The following CFAP46 variants were observed in gnomAD, a reference collection of about 807,000 sequenced individuals.
CFAP46 encodes cilia and flagella associated protein 46.
A neutral mutation model predicts 325.7 loss-of-function variants in CFAP46; 245 were observed. That is an observed-to-expected ratio of 0.75 (90% CI 0.68 to 0.84). The LOEUF (loss-of-function observed/expected upper bound fraction) is 0.84, where lower values mean the gene tolerates loss of function less well. CFAP46 is among the 40% of genes least tolerant of loss of function. The pLI is 0.00. For missense variants in CFAP46, 3,346 were observed against 3,543.0 expected (o/e 0.94, Z 1.41); for synonymous variants, 1,523 against 1,495.9 (o/e 1.02, Z -0.42).
rs778070622 is a variant in CFAP46, at chr10:132,889,408, T to C, written c.3304+2925A>G. On this transcript the variant is annotated intron_variant, in intron 25 of 57. Coordinates refer to ENST00000368586, the MANE Select transcript of CFAP46 (RefSeq NM_001200049.3). The surrounding 1 kb of genome is among the most constrained non-coding windows in gnomAD (Gnocchi z 6.0). ...TGGATGCTGGGATCTGTGGGCTCAC[T>C]GTGGCCTTCACACTCTGCCAGGCCC... 7.9e-5 allele frequency among the ~76,000 whole-genome samples: 12 copies of C among 152,196 alleles called. No individual in the cohort carries two copies. The highest frequency in any genetic ancestry group is 2.1e-4 in the South Asian group (1 of 4,828).
chr10:132,902,275 C>T (rs186508059), intron 22 of CFAP46, among the ~76,000 whole-genome samples: 2 of 151,768 alleles, frequency 1.3e-5, no homozygotes, highest in East Asian at 1.9e-4. Flanking sequence ...AGGTCACAGA[C>T]GGAAAGCTCT....
chr10:132,814,544 G>T lies in CFAP46; in HGVS notation c.7285+33C>A, dbSNP rs373395397. On this transcript the variant is annotated intron_variant, in intron 53 of 57. Transcript: ENST00000368586. ...ACGGCAGGAGGCCCGAGGCTGGCGT[G>T]TGCCTGAACAGGGAGCCCTGTGCAG... 79 of 1,551,622 alleles carry T rather than the reference G, an allele frequency of 5.1e-5. No individual in the cohort carries two copies. The African/African-American group carries it at 9.9e-4, about 20-fold the overall frequency.
In CFAP46 at chr10:132,808,904, T is replaced by C. The variant is rs2767434; in HGVS notation, c.7665A>G (p.Arg2555=). ...EDEWRRGGEP[R]RGFSDLEGQA... ...GTCCTTCAAGGTCTGAGAAGCCTCG[T>C]CTGTGGAGAAAGGGGCGGGAGCTAT... Residue 2555 remains arginine (R), a splice_region_variant and synonymous_variant, in exon 58 of 58, where the codon AGA becomes AGG. Transcript: ENST00000368586. The surrounding 1 kb of genome is among the most constrained non-coding windows in gnomAD (Gnocchi z 6.8). 1,055,405 of 1,575,538 alleles carry C rather than the reference T, an allele frequency of 0.67. 358,675 individuals are homozygous for C. Among genetic ancestry groups the C allele is most frequent in the African/African-American group, 0.93 (69,374 of 74,328 alleles).
rs566761592 is a variant in CFAP46, at chr10:132,890,024, A to C, written c.3304+2309T>G. On this transcript the variant is annotated intron_variant, in intron 25 of 57. Coordinates refer to ENST00000368586, the MANE Select transcript of CFAP46 (RefSeq NM_001200049.3). ...TTCCACAAAATCTCTGCTATGCTCA[A>C]TTCTACTTTCTGATTTTTTTCTAGA... is the stretch of plus-strand genomic sequence containing the variant. 5.3e-5 allele frequency among the ~76,000 whole-genome samples: 8 copies of C among 152,320 alleles called. No homozygotes were observed. The South Asian group carries it at 8.3e-4, about 16-fold the overall frequency.
At chr10:132,868,812 G>C (rs1848854507) in intron 33 of CFAP46, among the ~76,000 whole-genome samples, 1 of 152,250 alleles carries the variant, frequency 6.6e-6, no homozygotes, top group South Asian at 2.1e-4. Context: ...AAGTATTTCT[G>C]AGATGGTCTC....
At chr10:132,846,006 C>T in intron 44 of CFAP46, 51 bp downstream of exon 44, 2 of 1,560,072 alleles carry the variant, frequency 1.3e-6, no homozygotes, top group Non-Finnish European at 1.7e-6. Context: ...AGTGTCTGTC[C>T]ACAGAGCTCC....
At chr10:132,845,090 T>A (rs1036010975) in intron 44 of CFAP46, among the ~76,000 whole-genome samples, 1 of 152,188 alleles carries the variant, frequency 6.6e-6, no homozygotes, top group African/African-American at 2.4e-5. Context: ...TAGCCCATTT[T>A]AATTCCCGCT....
chr10:132,815,216 C>T (rs1591029281), intron 50 of CFAP46, among the ~76,000 whole-genome samples: 1 of 152,224 alleles, frequency 6.6e-6, no homozygotes, highest in South Asian at 2.1e-4. Flanking sequence ...TGCCCGGGCC[C>T]CTCACTGGTT....
At chr10:132,867,047 C>T (rs1488649924) in intron 34 of CFAP46, among the ~76,000 whole-genome samples, 1 of 152,168 alleles carries the variant, frequency 6.6e-6, no homozygotes, top group East Asian at 1.9e-4. Flanking sequence ...AATTCCAGGG[C>T]CCACGGGAGG....
intron 11 of CFAP46, among the ~76,000 whole-genome samples, chr10:132,924,303 C>T (rs1849773734): frequency 2.0e-5 from 3 of 152,144 alleles, no homozygotes; most frequent in African/African-American, 7.2e-5. Context: ...GCATTCCTGT[C>T]ACCCCTGAGG....
chr10:132,825,130 CTG>C lies in CFAP46; in HGVS notation c.7117+8226_7117+8227del, dbSNP rs745470497. 4.1e-5 allele frequency among the ~76,000 whole-genome samples: 5 copies of C among 121,480 alleles called. 1 individual carries two copies. The highest frequency in any genetic ancestry group is 1.7e-4 in the African/African-American group (5 of 28,620). The allele number at this position is 121,480 out of a possible 152,430, so 79.7% of individuals were successfully genotyped here. ...TGTGTGCTGATGTGTGCACTGTGTG[CTG>C]TGTGTGTGGTGATGTGTGCTGTGTG... On this transcript the variant is annotated intron_variant, in intron 50 of 57. Transcript: ENST00000368586.
intron 32 of CFAP46, among the ~76,000 whole-genome samples, chr10:132,871,958 G>A (rs1237051776): frequency 6.6e-6 from 1 of 152,142 alleles, no homozygotes; most frequent in African/African-American, 2.4e-5. Flanking sequence ...TTTTATTGTT[G>A]TCTTATTTTA....
At chr10:132,913,306 G>C (rs763107827) in intron 17 of CFAP46, 48 bp from the exon 18 acceptor site, 4 of 1,504,176 alleles carry the variant, frequency 2.7e-6, no homozygotes, top group Middle Eastern at 1.7e-4. Context: ...CCCCAGCCCC[G>C]GGGCCAGGCA....
rs149553715 is a variant in CFAP46 at position 132,836,560 on chromosome 10, C to T, written c.6536+257G>A. Reference sequence around the variant, plus strand: ...CCACCATAACAGTGACCTTCGGGTCCGGACGCCCAGACCAGACACAAAGAC... The same window carrying T: ...CCACCATAACAGTGACCTTCGGGTCTGGACGCCCAGACCAGACACAAAGAC... On this transcript the variant is annotated intron_variant, in intron 45 of 57. Coordinates refer to ENST00000368586, the MANE Select transcript of CFAP46 (RefSeq NM_001200049.3). 6.0e-3 allele frequency among the ~76,000 whole-genome samples: 914 copies of T among 152,326 alleles called. 2 individuals carry two copies. The highest frequency in any genetic ancestry group is 9.7e-3 in the Non-Finnish European group (657 of 68,024).
chr10:132,929,785 A>G lies in CFAP46; in HGVS notation c.886T>C (p.Leu296=), dbSNP rs1849864724. 6.2e-7 allele frequency: 1 copy of G among 1,609,288 alleles called. No homozygotes were observed. Among genetic ancestry groups the G allele is most frequent in the Non-Finnish European group, 8.5e-7 (1 of 1,176,456 alleles). ...TTCAAGGTCAAGGAAAAACGCGCCA[A>G]TTCAAAAAGCAAAAGCATTCTGCAA... ...SEEKMLLLFE[L]ARFSLTLKCM... is the part of the protein sequence containing the mutation. The change falls in exon 9 of 58, where the codon TTG becomes CTG. Residue 296 remains leucine, a synonymous_variant. Transcript: ENST00000368586.
At chr10:132,912,589 CT>C (rs765251812) in intron 19 of CFAP46, 65 bp downstream of exon 19, 278 of 1,429,690 alleles carry the variant, frequency 1.9e-4, no homozygotes, top group Admixed American at 9.7e-4. Flanking sequence ...CCTCTCCTCT[CT>C]CTCTCTCCTC....
intron 35 of CFAP46, among the ~76,000 whole-genome samples, chr10:132,862,899 GGCTGAGAAGCCAGGGTGA>G (rs1848744277): frequency 6.6e-6 from 1 of 152,232 alleles, no homozygotes; most frequent in Admixed American, 6.5e-5. Flanking sequence ...GTGTGGATGT[GGCTGAGAAGCCAGGGTGA>G]GCTGAGGGCA....
At chr10:132,872,955 G>T (rs1007897112) in intron 31 of CFAP46, 131 bp from the exon 32 acceptor site, 3 of 1,003,928 alleles carry the variant, frequency 3.0e-6, no homozygotes, top group Non-Finnish European at 4.4e-6. Flanking sequence ...TGCTCAGCGC[G>T]TGTCCGCACA....
chr10:132,861,461 C>A (rs573368611), intron 35 of CFAP46, among the ~76,000 whole-genome samples: 20 of 152,338 alleles, frequency 1.3e-4, no homozygotes, highest in Non-Finnish European at 2.4e-4. Context: ...CTGCTGGCCC[C>A]GTCCTGGCCC....
Sources: gnomAD v4.1 joint callset for allele counts (sites outside exome capture counted in the v4.1 genomes callset) on GRCh38, gnomAD v4.1.1 for gene constraint, Gnocchi (gnomAD v3.1) non-coding constraint, MANE v1.5 for transcripts, NCBI Gene and HGNC (gene_info 2026-07-23, HGNC 2026-07-21) for gene names.